The following TRIM67 variants were observed in gnomAD, a reference collection of about 807,000 sequenced individuals.
TRIM67 encodes tripartite motif containing 67, also known as tripartite motif-containing protein 67.
TRIM67 carries 39 observed loss-of-function variants against 71.0 expected under a neutral mutation model. That is an observed-to-expected ratio of 0.55 (90% CI 0.43 to 0.72). TRIM67 has a LOEUF of 0.72. Ranked by LOEUF, TRIM67 falls within the 30% of genes least tolerant of loss-of-function variation. The pLI is 0.00. For missense variants in TRIM67, 973 were observed against 1,079.2 expected (o/e 0.90, Z 1.38); for synonymous variants, 481 against 473.9 (o/e 1.01, Z -0.19).
At position 231,209,284 on chromosome 1, in the gene TRIM67, A is replaced by G; in HGVS notation, c.2123+34A>G. 1.3e-6 allele frequency: 2 copies of G among 1,507,300 alleles called. No homozygotes were observed. Among genetic ancestry groups the G allele is most frequent in the Non-Finnish European group, 8.9e-7 (1 of 1,123,460 alleles). 93.4% of individuals were successfully genotyped at this position (1,507,300 alleles called of 1,614,324 possible). A position where few individuals can be genotyped will look rare whatever the true frequency, so the allele number is the denominator to read the frequency against. On this transcript the variant is annotated intron_variant, in intron 8 of 9. Transcript: ENST00000366653. The surrounding 1 kb of genome is among the most constrained non-coding windows in gnomAD (Gnocchi z 4.1). ...GGGCCCCATCCTGCCTCCCGTGGACACAGGTTGTTTGGGAATGAGGGTCCT... is the reference window on the plus strand; with the variant it reads ...GGGCCCCATCCTGCCTCCCGTGGACGCAGGTTGTTTGGGAATGAGGGTCCT...
At chr1:231,187,393 A>T in intron 1 of TRIM67, 1 of 915,372 alleles carries the variant, frequency 1.1e-6, no homozygotes, top group Non-Finnish European at 1.6e-6. Flanking sequence ...TCTACCTTTT[A>T]ATTTTTTTAA....
In TRIM67 at chr1:231,215,646, G is replaced by A. The variant is rs903870804; in HGVS notation, c.*206G>A. 4.9e-5 allele frequency: 66 copies of A among 1,336,790 alleles called. No individual in the cohort carries two copies. The Middle Eastern group carries it at 1.0e-3, about 20-fold the overall frequency. The allele number at this position is 1,336,790 out of a possible 1,614,324, so 82.8% of individuals were successfully genotyped here. On this transcript the variant is annotated 3_prime_UTR_variant, in exon 10 of 10. Transcript: ENST00000366653. The stretch of plus-strand genomic sequence containing the variant: ...ATGCTCACAGCTGCCACTGTCAGTG[G>A]CAAAGGAAGGTACGTGTGTCACCCT...
chr1:231,200,904 A>G (rs1683502212), intron 4 of TRIM67, among the ~76,000 whole-genome samples: 1 of 152,216 alleles, frequency 6.6e-6, no homozygotes, highest in Non-Finnish European at 1.5e-5. Flanking sequence ...AAGTTGCAGA[A>G]CAACTCAGAA....
intron 3 of TRIM67, among the ~76,000 whole-genome samples, chr1:231,199,458 G>C (rs2102748221): frequency 1.3e-5 from 2 of 152,326 alleles, no homozygotes; most frequent in Non-Finnish European, 2.9e-5. Context: ...TTGCAGAGCA[G>C]AAGTGACCAA....
chr1:231,199,465 C>T (rs1307403591), intron 3 of TRIM67, among the ~76,000 whole-genome samples: 1 of 152,200 alleles, frequency 6.6e-6, no homozygotes, highest in Non-Finnish European at 1.5e-5. Flanking sequence ...GCAGAAGTGA[C>T]CAATGACAGT....
chr1:231,207,001 C>G (rs970748255), intron 7 of TRIM67, among the ~76,000 whole-genome samples: 1 of 152,144 alleles, frequency 6.6e-6, no homozygotes, highest in Non-Finnish European at 1.5e-5. Context: ...CATTTCATCC[C>G]GTGGACCAGG....
In TRIM67 at chr1:231,219,430, A is replaced by G. The variant is rs1294947759; in HGVS notation, c.*3990A>G. On this transcript the variant is annotated 3_prime_UTR_variant, in exon 10 of 10. Transcript: ENST00000366653. The stretch of plus-strand genomic sequence containing the variant: ...TGGCGCTCCGGCTGCTTTGTTCCAT[A>G]GAAAGCCTGTATGTGACAAAGCTGC... 4.2e-5 allele frequency: 43 copies of G among 1,026,750 alleles called. No homozygotes were observed. Among genetic ancestry groups the G allele is most frequent in the Non-Finnish European group, 4.6e-5 (39 of 855,800 alleles). 63.6% of individuals were successfully genotyped at this position (1,026,750 alleles called of 1,614,324 possible). A position where few individuals can be genotyped will look rare whatever the true frequency, so the allele number is the denominator to read the frequency against.
intron 1 of TRIM67, among the ~76,000 whole-genome samples, chr1:231,178,696 A>G (rs1373995668): frequency 6.6e-6 from 1 of 152,254 alleles, no homozygotes; most frequent in African/African-American, 2.4e-5. Context: ...TTTCTGCTCC[A>G]TCATTGGCTG....
intron 1 of TRIM67, among the ~76,000 whole-genome samples, chr1:231,178,608 C>T (rs1279596183): frequency 6.6e-6 from 1 of 152,200 alleles, no homozygotes; most frequent in African/African-American, 2.4e-5. Flanking sequence ...AGCTCACTGG[C>T]CCCTTGGCAA....
intron 5 of TRIM67, among the ~76,000 whole-genome samples, chr1:231,203,019 C>T (rs1163434273): frequency 1.3e-5 from 2 of 152,086 alleles, no homozygotes; most frequent in Admixed American, 1.3e-4. Context: ...GGGGATGGAG[C>T]GAGGACTCCT....
Position 231,213,875 on chromosome 1 carries a change from C to T in TRIM67, c.2184C>T (p.His728=), listed in dbSNP as rs1201978801. Residue 728 remains histidine (H), a synonymous_variant, in exon 9 of 10, where the codon CAC becomes CAT. Transcript: ENST00000366653. ...TVGVLLDLNK[H]TLTFFINGQQ... ...GCGTGCTGCTGGACCTGAATAAGCACACTCTCACCTTCTTCATCAACGGGC... is the reference window on the plus strand; with the variant it reads ...GCGTGCTGCTGGACCTGAATAAGCATACTCTCACCTTCTTCATCAACGGGC... 1 of 1,613,714 alleles carries T rather than the reference C, an allele frequency of 6.2e-7. No individual in the cohort carries two copies. Among genetic ancestry groups the T allele is most frequent in the Non-Finnish European group, 8.5e-7 (1 of 1,179,748 alleles).
At chr1:231,175,650 C>G (rs1012236162) in intron 1 of TRIM67, among the ~76,000 whole-genome samples, 1 of 152,188 alleles carries the variant, frequency 6.6e-6, no homozygotes, top group African/African-American at 2.4e-5. Context: ...AAACAGCAGC[C>G]CATTGCTCCG....
chr1:231,192,595 A>G (rs1683262483), intron 1 of TRIM67, among the ~76,000 whole-genome samples: 1 of 152,224 alleles, frequency 6.6e-6, no homozygotes, highest in Non-Finnish European at 1.5e-5. Context: ...AGGAGAACTG[A>G]CTTGTGGTCA....
At chr1:231,181,278 G>A (rs981215274) in intron 1 of TRIM67, among the ~76,000 whole-genome samples, 6 of 152,200 alleles carry the variant, frequency 3.9e-5, no homozygotes, top group Admixed American at 3.9e-4. Flanking sequence ...GAAGTCTTAA[G>A]AGCAAGGGTG....
At chr1:231,194,904 G>A (rs181777064) in intron 1 of TRIM67, among the ~76,000 whole-genome samples, 13 of 152,188 alleles carry the variant, frequency 8.5e-5, no homozygotes, top group East Asian at 3.9e-4. Context: ...AAGCGGGGCC[G>A]GGGAGTGCGG....
chr1:231,188,760 G>C (rs554067624), intron 1 of TRIM67, among the ~76,000 whole-genome samples: 3 of 152,184 alleles, frequency 2.0e-5, no homozygotes, highest in African/African-American at 7.2e-5. Context: ...AGATAAATTC[G>C]GCATGTAAAG....
At chr1:231,187,115 T>A (rs1683103082) in intron 1 of TRIM67, among the ~76,000 whole-genome samples, 1 of 152,120 alleles carries the variant, frequency 6.6e-6, no homozygotes, top group Non-Finnish European at 1.5e-5. Flanking sequence ...GTCGTAGCTG[T>A]GTTGTTGGAT....
chr1:231,164,107 G>C (rs1571864485), intron 1 of TRIM67, 94 bp downstream of exon 1: 1 of 1,330,636 alleles, frequency 7.5e-7, no homozygotes, highest in East Asian at 2.9e-5. Context: ...ACAGAAAGTC[G>C]GTCAGAGGGT....
At position 231,200,959 on chromosome 1, in the gene TRIM67, G is replaced by A. The variant is rs908220733; in HGVS notation, c.1375-399G>A. On this transcript the variant is annotated intron_variant, in intron 4 of 9. Coordinates refer to ENST00000366653, the MANE Select transcript of TRIM67 (RefSeq NM_001004342.5). Reference sequence around the variant, plus strand: ...CAGATGTGGGCTTCAAAACTTTAGGGGTGTGGAATATGCTTTCTTTAGACA... The same window carrying A: ...CAGATGTGGGCTTCAAAACTTTAGGAGTGTGGAATATGCTTTCTTTAGACA... 1.4e-4 allele frequency among the ~76,000 whole-genome samples: 21 copies of A among 152,030 alleles called. 1 individual carries two copies. The highest frequency in any genetic ancestry group is 1.4e-3 in the Admixed American group (21 of 15,258).
Sources: allele counts gnomAD v4.1 joint callset (sites outside exome capture counted in the v4.1 genomes callset), GRCh38; gene constraint gnomAD v4.1.1; non-coding constraint Gnocchi (gnomAD v3.1); transcripts MANE v1.5; gene names NCBI Gene and HGNC (gene_info 2026-07-23, HGNC 2026-07-21).